CNTNAP2: variants seen among roughly 807,000 people sequenced by gnomAD.
The protein encoded by CNTNAP2 is contactin associated protein 2, also known as contactin-associated protein-like 2.
CNTNAP2 carries 98 observed loss-of-function variants against 155.2 expected under a neutral mutation model. The ratio of observed to expected loss-of-function variants is 0.63; its 90% CI spans 0.54 to 0.75. The LOEUF is 0.75. CNTNAP2 is among the 30% of genes least tolerant of loss of function. The pLI is 0.00. For missense variants in CNTNAP2, 1,727 were observed against 1,688.1 expected, an observed-to-expected ratio of 1.02 and a Z score of -0.40; for synonymous variants, 651 against 631.2, an observed-to-expected ratio of 1.03 and a Z score of -0.47.
chr7:148,407,909 C>T (rs776567925), intron 22 of CNTNAP2, among the ~76,000 whole-genome samples: 5 of 152,018 alleles, frequency 3.3e-5, no homozygotes, highest in African/African-American at 7.3e-5. Flanking sequence ...AATATATATA[C>T]GTATCTATCT....
intron 1 of CNTNAP2, among the ~76,000 whole-genome samples, chr7:146,214,440 C>G (rs1799083550): frequency 6.6e-6 from 1 of 152,112 alleles, no homozygotes; most frequent in African/African-American, 2.4e-5. Context: ...AGGGAAAATC[C>G]ACGTTCACCT....
intron 2 of CNTNAP2, among the ~76,000 whole-genome samples, chr7:146,828,987 C>T (rs558205027): frequency 4.6e-5 from 7 of 152,140 alleles, no homozygotes; most frequent in Non-Finnish European, 7.4e-5. Flanking sequence ...CTAGGCTTTA[C>T]GTAGTTGTAA....
At chr7:147,483,409 G>T (rs1181457784) in intron 10 of CNTNAP2, among the ~76,000 whole-genome samples, 2 of 152,088 alleles carry the variant, frequency 1.3e-5, no homozygotes, top group Non-Finnish European at 2.9e-5. Context: ...AGAGAGGGAT[G>T]ACTTGTATTC....
intron 18 of CNTNAP2, among the ~76,000 whole-genome samples, chr7:148,185,396 G>A (rs184846719): frequency 6.3e-4 from 96 of 152,320 alleles, no homozygotes; most frequent in African/African-American, 2.1e-3. Context: ...TATTGAGATC[G>A]TTAGCAAATC....
At chr7:146,641,120 A>T (rs926845997) in intron 1 of CNTNAP2, among the ~76,000 whole-genome samples, 5 of 152,072 alleles carry the variant, frequency 3.3e-5, no homozygotes, top group African/African-American at 1.2e-4. Flanking sequence ...AGGTCAGGAG[A>T]TCGAGGCCAT....
chr7:147,605,326 A>G (rs1340154561), intron 12 of CNTNAP2, among the ~76,000 whole-genome samples: 3 of 152,138 alleles, frequency 2.0e-5, no homozygotes, highest in African/African-American at 7.2e-5. Flanking sequence ...ATTACTGCAA[A>G]TGCATGGAGT....
At chr7:146,370,852 G>A (rs950728828) in intron 1 of CNTNAP2, among the ~76,000 whole-genome samples, 3 of 151,984 alleles carry the variant, frequency 2.0e-5, no homozygotes, top group Non-Finnish European at 4.4e-5. Context: ...ACGTGCAAAA[G>A]CCCATTTTTA....
At chr7:148,207,850 C>A (rs1226575301) in intron 18 of CNTNAP2, among the ~76,000 whole-genome samples, 1 of 152,108 alleles carries the variant, frequency 6.6e-6, no homozygotes, top group Non-Finnish European at 1.5e-5. Flanking sequence ...GTAATCCCAG[C>A]ACTTTGGGAG....
intron 9 of CNTNAP2, among the ~76,000 whole-genome samples, chr7:147,306,640 C>T (rs1046676638): frequency 7.2e-5 from 11 of 152,258 alleles, no homozygotes; most frequent in Middle Eastern, 3.4e-3. Context: ...AATGTTGTAT[C>T]GTTACATTTG....
At chr7:146,617,050 C>T (rs932066214) in intron 1 of CNTNAP2, among the ~76,000 whole-genome samples, 4 of 152,048 alleles carry the variant, frequency 2.6e-5, no homozygotes, top group Non-Finnish European at 5.9e-5. Flanking sequence ...GACGGAGTCT[C>T]GCTCTGTCGC....
At chr7:147,506,688 T>C (rs1187823624) in intron 11 of CNTNAP2, among the ~76,000 whole-genome samples, 1 of 152,200 alleles carries the variant, frequency 6.6e-6, no homozygotes, top group Non-Finnish European at 1.5e-5. Flanking sequence ...AGGTGTGACT[T>C]GTTTAACCTA....
At chr7:146,712,089 T>A (rs1171988912) in intron 1 of CNTNAP2, among the ~76,000 whole-genome samples, 1 of 121,168 alleles carries the variant, frequency 8.3e-6, no homozygotes, top group Non-Finnish European at 1.7e-5. Flanking sequence ...TTATGTATAC[T>A]ATATAGTATA....
At chr7:146,278,363 A>G (rs1450281367) in intron 1 of CNTNAP2, among the ~76,000 whole-genome samples, 2 of 152,184 alleles carry the variant, frequency 1.3e-5, no homozygotes, top group Non-Finnish European at 2.9e-5. Flanking sequence ...TGGAATTTGA[A>G]TTAATGCCTT....
At chr7:148,187,272 G>A (rs1456302031) in intron 18 of CNTNAP2, among the ~76,000 whole-genome samples, 3 of 152,140 alleles carry the variant, frequency 2.0e-5, no homozygotes, top group Non-Finnish European at 4.4e-5. Flanking sequence ...GTTAATAGCA[G>A]AGACTTCTCT....
intron 9 of CNTNAP2, among the ~76,000 whole-genome samples, chr7:147,310,331 T>C (rs1795100504): frequency 6.6e-6 from 1 of 152,206 alleles, no homozygotes; most frequent in Non-Finnish European, 1.5e-5. Flanking sequence ...AAGAATTGGC[T>C]TAACCCTGCG....
chr7:147,006,464 C>T (rs1798526020), intron 3 of CNTNAP2, among the ~76,000 whole-genome samples: 1 of 151,872 alleles, frequency 6.6e-6, no homozygotes, highest in Non-Finnish European at 1.5e-5. Flanking sequence ...TCTGCCATTC[C>T]TCAGGGGCCT....
chr7:146,558,761 A>G lies in CNTNAP2; in HGVS notation c.98-215510A>G, dbSNP rs571890220. ...TTTAACTAACACTATCTTCTCCCAT[A>G]TCTCTCCTGATCCCACCCCTGGCAA... On this transcript the variant is annotated intron_variant, in intron 1 of 23. Transcript: ENST00000361727. Among the ~76,000 whole-genome samples the G allele has an allele frequency of 3.3e-5, 5 of 152,248 alleles. No individual in the cohort carries two copies. In the South Asian group the frequency reaches 8.3e-4, roughly 25 times the overall value.
At chr7:147,079,646 A>C (rs947125454) in intron 4 of CNTNAP2, among the ~76,000 whole-genome samples, 1 of 150,862 alleles carries the variant, frequency 6.6e-6, no homozygotes, top group African/African-American at 2.4e-5. Flanking sequence ...TAAATTAATT[A>C]TAATACACTC....
intron 1 of CNTNAP2, among the ~76,000 whole-genome samples, chr7:146,194,069 T>C (rs910583029): frequency 2.6e-5 from 4 of 152,222 alleles, no homozygotes; most frequent in African/African-American, 9.6e-5. Context: ...CGCATTTTGG[T>C]CACAGCCATT....
Sources: gnomAD v4.1 joint callset for allele counts (sites outside exome capture counted in the v4.1 genomes callset) on GRCh38, gnomAD v4.1.1 for gene constraint, MANE v1.5 for transcripts, NCBI Gene and HGNC (gene_info 2026-07-23, HGNC 2026-07-21) for gene names.